Variants in GLIS1 observed in about 807,000 individuals in gnomAD.
The protein encoded by GLIS1 is zinc finger protein GLIS1.
Under a neutral mutation model 63.8 loss-of-function variants are expected in GLIS1, and 24 were observed. That is an observed-to-expected ratio of 0.38 (90% CI 0.27 to 0.53). The LOEUF (loss-of-function observed/expected upper bound fraction) is 0.53, where lower values mean the gene tolerates loss of function less well. GLIS1 is among the 20% of genes least tolerant of loss of function. The probability of loss-of-function intolerance (pLI) is 0.85; values close to 1 mark genes in which losing one functional copy is unlikely to be tolerated. For missense variants in GLIS1, 1,036 were observed against 1,074.1 expected (o/e 0.96, Z 0.50); for synonymous variants, 450 against 482.5 (o/e 0.93, Z 0.88).
chr1:53,600,283 G>A lies in GLIS1; in HGVS notation c.260-5C>T. 1 of 1,231,742 alleles carries A rather than the reference G, an allele frequency of 8.1e-7. No individual in the cohort carries two copies. The highest frequency in any genetic ancestry group is 1.0e-6 in the Non-Finnish European group (1 of 987,592). 76.3% of individuals were successfully genotyped at this position (1,231,742 alleles called of 1,614,324 possible). A position where few individuals can be genotyped will look rare whatever the true frequency, so the allele number is the denominator to read the frequency against. Reference sequence around the variant, plus strand: ...GGTGTCCGTAGCTCCCATTCACTAGGCAGAGAAAGACAGGGAGAGAGGGAC... The same window carrying A: ...GGTGTCCGTAGCTCCCATTCACTAGACAGAGAAAGACAGGGAGAGAGGGAC... On this transcript the variant is annotated splice_polypyrimidine_tract_variant and splice_region_variant and intron_variant, in intron 2 of 10. Coordinates refer to ENST00000628545, the MANE Select transcript of GLIS1 (RefSeq NM_001367484.1).
Position 53,594,423 on chromosome 1 carries a change from G to A in GLIS1, c.1005C>T (p.His335=). The change falls in exon 4 of 11, where the codon CAC becomes CAT. Residue 335 remains histidine, a synonymous_variant. Transcript: ENST00000628545. ...GATAGGGGGGCGGCAGGCCCTGCTG[G>A]TGAGGCCCAAAGAGCTCTGAAAACT... ...ADEFSELFGP[H]QQGLPPPYPL... 2 of 1,612,810 alleles carry A rather than the reference G, an allele frequency of 1.2e-6. No homozygotes were observed. The highest frequency in any genetic ancestry group is 1.7e-6 in the Non-Finnish European group (2 of 1,179,906).
intron 2 of GLIS1, among the ~76,000 whole-genome samples, chr1:53,717,927 C>T (rs1718054): frequency 6.6e-6 from 1 of 152,108 alleles, no homozygotes; most frequent in East Asian, 1.9e-4. Context: ...GGCACATGAC[C>T]TAGGCTCTGC....
intron 8 of GLIS1, among the ~76,000 whole-genome samples, chr1:53,513,234 T>TC (rs1317697452): frequency 6.6e-6 from 1 of 151,852 alleles, no homozygotes; most frequent in African/African-American, 2.4e-5. Context: ...CCTTCCGGGC[T>TC]CCCCCTCCCC....
chr1:53,704,480 C>G (rs1377676714), intron 2 of GLIS1, among the ~76,000 whole-genome samples: 1 of 152,166 alleles, frequency 6.6e-6, no homozygotes, highest in Non-Finnish European at 1.5e-5. Flanking sequence ...CAGTGGACTC[C>G]CCACCTTGCA....
intron 2 of GLIS1, among the ~76,000 whole-genome samples, chr1:53,676,081 G>GA (rs143821164): frequency 0.02 from 3,094 of 151,528 alleles, 95 homozygotes; most frequent in African/African-American, 0.071. Flanking sequence ...ACAATTCAGG[G>GA]AAAAAAAAAT....
At chr1:53,624,541 CTTTTTTT>C (rs370540667) in intron 2 of GLIS1, among the ~76,000 whole-genome samples, 1 of 145,156 alleles carries the variant, frequency 6.9e-6, no homozygotes, top group Non-Finnish European at 1.5e-5. Context: ...TTTTAAATCT[CTTTTTTT>C]TTTTTTTAAA....
intron 2 of GLIS1, among the ~76,000 whole-genome samples, chr1:53,603,123 A>G (rs1645335161): frequency 6.6e-6 from 1 of 152,150 alleles, no homozygotes; most frequent in Non-Finnish European, 1.5e-5. Context: ...TCTCCTCTGG[A>G]TACAGTAAAA....
At position 53,594,915 on chromosome 1, in the gene GLIS1, G is replaced by A. The variant is rs371279636; in HGVS notation, c.513C>T (p.Pro171=). 3.3e-5 allele frequency: 50 copies of A among 1,513,214 alleles called. No homozygotes were observed. The highest frequency in any genetic ancestry group is 1.6e-4 in the East Asian group (7 of 43,718). The allele number at this position is 1,513,214 out of a possible 1,614,324, so 93.7% of individuals were successfully genotyped here. A position where few individuals can be genotyped will look rare whatever the true frequency, so the allele number is the denominator to read the frequency against. ...TTQHIKQESL[P]DYQAMAEART... is the part of the protein sequence containing the mutation. ...GGGCCTCTGCCATGGCTTGGTAGTC[G>A]GGCAAGGACTCCTGTTTGATGTGTT... Residue 171 remains proline, a synonymous_variant, in exon 4 of 11, where the codon CCC becomes CCT. Transcript: ENST00000628545.
chr1:53,688,885 C>A (rs977578285), intron 2 of GLIS1: 2 of 152,256 alleles, frequency 1.3e-5, no homozygotes, highest in African/African-American at 4.8e-5. Context: ...CTTGAGGACA[C>A]CTGCTGGCAG....
intron 2 of GLIS1, among the ~76,000 whole-genome samples, chr1:53,606,142 G>A (rs140578953): frequency 2.0e-5 from 3 of 152,368 alleles, no homozygotes; most frequent in African/African-American, 7.2e-5. Flanking sequence ...TGTACATGGA[G>A]TCTCTGGCAT....
rs1189819951 is a variant in GLIS1, at chr1:53,540,494, TG to T, written c.1321-10543del. Among the ~76,000 whole-genome samples, 3 of 152,156 alleles carry T rather than the reference TG, an allele frequency of 2.0e-5. No homozygotes were observed. In the East Asian group the frequency reaches 5.8e-4, roughly 30 times the overall value. On this transcript the variant is annotated intron_variant, in intron 4 of 10. Transcript: ENST00000628545. Reference sequence around the variant, plus strand: ...TGAGCCTCAGTGTTCTACTTGCAAATGGGGTGTCCTCCTGCGGTGGACATCA... The same window carrying T: ...TGAGCCTCAGTGTTCTACTTGCAAATGGGTGTCCTCCTGCGGTGGACATCA...
At chr1:53,695,077 G>A (rs1164523004) in intron 2 of GLIS1, among the ~76,000 whole-genome samples, 3 of 151,062 alleles carry the variant, frequency 2.0e-5, no homozygotes, top group South Asian at 4.2e-4. Context: ...CAGTAGGCCC[G>A]CATCTGTTTA....
At chr1:53,665,872 A>T (rs1338813799) in intron 2 of GLIS1, among the ~76,000 whole-genome samples, 1 of 152,200 alleles carries the variant, frequency 6.6e-6, no homozygotes, top group African/African-American at 2.4e-5. Context: ...TGGATCCAGC[A>T]ACATCGAACG....
chr1:53,575,757 C>T (rs759468197), intron 4 of GLIS1, among the ~76,000 whole-genome samples: 1 of 152,116 alleles, frequency 6.6e-6, no homozygotes, highest in Non-Finnish European at 1.5e-5. Context: ...ACAGTGACAC[C>T]CATGCAGGAG....
At chr1:53,586,422 A>G (rs759197904) in intron 4 of GLIS1, among the ~76,000 whole-genome samples, 10 of 152,162 alleles carry the variant, frequency 6.6e-5, no homozygotes, top group Non-Finnish European at 1.2e-4. Context: ...CAGAGCTGGG[A>G]CTTCCAACAG....
At chr1:53,720,166 A>G (rs1380296920) in intron 2 of GLIS1, among the ~76,000 whole-genome samples, 2 of 152,210 alleles carry the variant, frequency 1.3e-5, no homozygotes, top group Non-Finnish European at 2.9e-5. Context: ...ACAGAGCAAG[A>G]CTCTGTATCA....
At position 53,526,073 on chromosome 1, in the gene GLIS1, C is replaced by T. The variant is rs551113490; in HGVS notation, c.1483-1186G>A. On this transcript the variant is annotated intron_variant, in intron 5 of 10. Transcript: ENST00000628545. The surrounding 1 kb of genome is among the most constrained non-coding windows in gnomAD (Gnocchi z 4.4). ...TTGAAGCTTACAAGGCTTCCCTTTG[C>T]GGACACGTCTAGTGCTTCCGCTCTC... Among the ~76,000 whole-genome samples, 10 of 152,286 alleles carry T rather than the reference C, an allele frequency of 6.6e-5. No individual in the cohort carries two copies. Among genetic ancestry groups the T allele is most frequent in the African/African-American group, 1.9e-4 (8 of 41,552 alleles).
intron 2 of GLIS1, among the ~76,000 whole-genome samples, chr1:53,676,601 C>T (rs970466776): frequency 2.6e-5 from 4 of 152,150 alleles, no homozygotes; most frequent in African/African-American, 9.7e-5. Flanking sequence ...TCACCAGCAC[C>T]CCGCACGCAC....
chr1:53,537,940 C>T (rs1331299688), intron 4 of GLIS1, among the ~76,000 whole-genome samples: 2 of 152,254 alleles, frequency 1.3e-5, no homozygotes, highest in African/African-American at 2.4e-5. Flanking sequence ...TACTTTACAA[C>T]AATGATGTGG....
Sources: allele counts gnomAD v4.1 joint callset (sites outside exome capture counted in the v4.1 genomes callset), GRCh38; gene constraint gnomAD v4.1.1; non-coding constraint Gnocchi (gnomAD v3.1); transcripts MANE v1.5; gene names NCBI Gene and HGNC (gene_info 2026-07-23, HGNC 2026-07-21).